CDH12: variants seen among roughly 807,000 people sequenced by gnomAD.
The protein encoded by CDH12 is cadherin 12.
CDH12 carries 41 observed loss-of-function variants against 74.1 expected under a neutral mutation model. The ratio of observed to expected loss-of-function variants is 0.55; its 90% CI spans 0.43 to 0.72. The LOEUF (loss-of-function observed/expected upper bound fraction) is 0.72. CDH12 is among the 30% of genes least tolerant of loss of function. CDH12 has a pLI of 0.00. For missense variants in CDH12, 945 were observed against 977.2 expected (o/e 0.97, Z 0.44); for synonymous variants, 399 against 355.0 (o/e 1.12, Z -1.39).
At chr5:22,503,095 T>G (rs1736238619) in intron 2 of CDH12, among the ~76,000 whole-genome samples, 1 of 152,154 alleles carries the variant, frequency 6.6e-6, no homozygotes, top group Non-Finnish European at 1.5e-5. Flanking sequence ...CAAGAAGGTA[T>G]TCTATAAATG....
chr5:22,585,730 A>T (rs556126111), intron 1 of CDH12, among the ~76,000 whole-genome samples: 16 of 151,898 alleles, frequency 1.1e-4, no homozygotes, highest in African/African-American at 2.9e-4. Context: ...TTTTTTTTTT[A>T]AAGTTTAATT....
At chr5:22,659,849 T>C (rs1386877180) in intron 1 of CDH12, among the ~76,000 whole-genome samples, 1 of 152,140 alleles carries the variant, frequency 6.6e-6, no homozygotes, top group African/African-American at 2.4e-5. Flanking sequence ...TCAATGAATT[T>C]TCTAAAAATA....
At chr5:22,806,511 C>G (rs1748817988) in intron 1 of CDH12, among the ~76,000 whole-genome samples, 1 of 151,960 alleles carries the variant, frequency 6.6e-6, no homozygotes, top group East Asian at 1.9e-4. Context: ...CGCCATCACG[C>G]CCGGCTAATG....
chr5:21,768,974 A>C (rs551447217), intron 11 of CDH12, among the ~76,000 whole-genome samples: 3 of 152,178 alleles, frequency 2.0e-5, no homozygotes, highest in African/African-American at 4.8e-5. Context: ...TTGATTTAAC[A>C]TCCAAGAACA....
intron 1 of CDH12, among the ~76,000 whole-genome samples, chr5:22,679,662 TTGA>T (rs1013157116): frequency 9.9e-5 from 15 of 152,260 alleles, no homozygotes; most frequent in African/African-American, 3.6e-4. Flanking sequence ...TTTAATTTAA[TTGA>T]TGATGATAAC....
chr5:22,448,295 T>C (rs1286615011), intron 2 of CDH12, among the ~76,000 whole-genome samples: 2 of 152,012 alleles, frequency 1.3e-5, no homozygotes, highest in East Asian at 3.8e-4. Context: ...TGGGTTTTCT[T>C]AATATATCTT....
intron 3 of CDH12, among the ~76,000 whole-genome samples, chr5:22,333,271 C>A (rs1020903337): frequency 4.6e-5 from 7 of 151,722 alleles, no homozygotes; most frequent in East Asian, 1.9e-4. Context: ...ATAATGATAA[C>A]ACATGGACAC....
At position 22,679,110 on chromosome 5, in the gene CDH12, C is replaced by T. The variant is rs575132439; in HGVS notation, c.-522-173746G>A. ...CATAACTACAGTACCTTAAAACATA[C>T]GCCTCTAGGCATACTAAAAGCACAT... is the stretch of plus-strand genomic sequence containing the variant. On this transcript the variant is annotated intron_variant, in intron 1 of 14. Transcript: ENST00000382254. Among the ~76,000 whole-genome samples, 25 of 152,148 alleles carry T rather than the reference C, an allele frequency of 1.6e-4. No homozygotes were observed. The South Asian group carries it at 1.9e-3, about 11-fold the overall frequency.
At chr5:22,052,153 C>T (rs184088017) in intron 5 of CDH12, among the ~76,000 whole-genome samples, 55 of 152,216 alleles carry the variant, frequency 3.6e-4, no homozygotes, top group Non-Finnish European at 7.4e-5. Flanking sequence ...GCACTTTGTC[C>T]TGCACAAAGC....
intron 1 of CDH12, among the ~76,000 whole-genome samples, chr5:22,612,554 G>A (rs2126828134): frequency 6.6e-6 from 1 of 152,028 alleles, no homozygotes; most frequent in East Asian, 1.9e-4. Flanking sequence ...ATCGAATTAT[G>A]TTATTTGAGA....
intron 1 of CDH12, among the ~76,000 whole-genome samples, chr5:22,591,365 C>G (rs750419918): frequency 1.3e-5 from 2 of 151,820 alleles, no homozygotes; most frequent in Non-Finnish European, 2.9e-5. Context: ...AAACAATGAC[C>G]TGAAAAAATT....
At chr5:21,935,317 T>C (rs1755028816) in intron 6 of CDH12, among the ~76,000 whole-genome samples, 2 of 152,182 alleles carry the variant, frequency 1.3e-5, no homozygotes, top group Admixed American at 1.3e-4. Context: ...ATTTATTCAG[T>C]TTAGACATGG....
At chr5:22,313,896 T>C (rs2150430880) in intron 3 of CDH12, among the ~76,000 whole-genome samples, 1 of 152,268 alleles carries the variant, frequency 6.6e-6, no homozygotes, top group South Asian at 2.1e-4. Context: ...AGGTACACTA[T>C]AATCTCAGAT....
At chr5:22,684,274 C>T (rs2126933561) in intron 1 of CDH12, among the ~76,000 whole-genome samples, 1 of 152,200 alleles carries the variant, frequency 6.6e-6, no homozygotes, top group Non-Finnish European at 1.5e-5. Context: ...ATGGGGTATC[C>T]ATCCCTCAAG....
chr5:22,667,053 A>G (rs1056721049), intron 1 of CDH12, among the ~76,000 whole-genome samples: 5 of 152,156 alleles, frequency 3.3e-5, no homozygotes, highest in Non-Finnish European at 5.9e-5. Flanking sequence ...ATCCTTGCAC[A>G]CATTAGTCCT....
At chr5:21,905,855 T>C (rs180833877) in intron 6 of CDH12, among the ~76,000 whole-genome samples, 16 of 152,304 alleles carry the variant, frequency 1.1e-4, no homozygotes, top group Non-Finnish European at 1.9e-4. Context: ...TTTGAACATA[T>C]GTTTATTGTC....
intron 4 of CDH12, among the ~76,000 whole-genome samples, chr5:22,101,061 A>G (rs1744113450): frequency 6.6e-6 from 1 of 152,188 alleles, no homozygotes; most frequent in Admixed American, 6.5e-5. Flanking sequence ...TACAAAAACC[A>G]GATATTACCT....
chr5:22,232,095 T>C (rs1752405794), intron 3 of CDH12, among the ~76,000 whole-genome samples: 2 of 151,806 alleles, frequency 1.3e-5, no homozygotes. Flanking sequence ...AATATGCTGT[T>C]TTATCACATT....
intron 6 of CDH12, among the ~76,000 whole-genome samples, chr5:21,900,312 T>C (rs1021596332): frequency 2.6e-5 from 4 of 152,168 alleles, no homozygotes; most frequent in Non-Finnish European, 5.9e-5. Flanking sequence ...GCAAACACTA[T>C]AAACTGGCTA....
Sources: gnomAD v4.1 joint callset for allele counts (sites outside exome capture counted in the v4.1 genomes callset) on GRCh38, gnomAD v4.1.1 for gene constraint, MANE v1.5 for transcripts, NCBI Gene and HGNC (gene_info 2026-07-23, HGNC 2026-07-21) for gene names.